Variants in AGMO observed in about 807,000 individuals in gnomAD.
AGMO encodes the protein alkylglycerol monooxygenase.
Under a neutral mutation model 60.2 loss-of-function variants are expected in AGMO, and 75 were observed. That is an observed-to-expected ratio of 1.25 (90% confidence interval 1.03 to 1.51). The LOEUF (loss-of-function observed/expected upper bound fraction) is 1.51. Among genes scored for constraint, AGMO ranks in the 40% most tolerant of loss-of-function variants. The pLI, the probability that AGMO is intolerant of heterozygous loss-of-function variation, is 0.00. For synonymous variants in AGMO, 261 were observed against 177.1 expected, an observed-to-expected ratio of 1.47 and a Z score of -3.76; for missense variants, 763 against 525.5, an observed-to-expected ratio of 1.45 and a Z score of -4.42.
chr7:15,310,899 T>C (rs1294328744), intron 12 of AGMO, among the ~76,000 whole-genome samples: 1 of 152,138 alleles, frequency 6.6e-6, no homozygotes, highest in Non-Finnish European at 1.5e-5. Flanking sequence ...CTTTGGCTCA[T>C]GGCCCTCTTC....
chr7:15,299,886 C>CACACACAAAA (rs774065679), intron 12 of AGMO, among the ~76,000 whole-genome samples: 4 of 114,642 alleles, frequency 3.5e-5, no homozygotes, highest in African/African-American at 1.7e-4. Context: ...CACACACACA[C>CACACACAAAA]AGTATGTTTT....
At chr7:15,118,365 C>T in the AGMO span, among the ~76,000 whole-genome samples, 9 of 151,906 alleles carry the variant, frequency 5.9e-5, no homozygotes, top group Admixed American at 5.9e-4. Context: ...TAGTTACATG[C>T]AATTATCTGC....
intron 8 of AGMO, among the ~76,000 whole-genome samples, chr7:15,387,944 G>C (rs893738033): frequency 6.1e-4 from 82 of 134,096 alleles, no homozygotes; most frequent in Non-Finnish European, 8.8e-4. Flanking sequence ...GTCTCGCTCT[G>C]TTGCCCAGGC....
At chr7:15,295,968 A>G (rs1013685102) in intron 12 of AGMO, among the ~76,000 whole-genome samples, 2 of 152,150 alleles carry the variant, frequency 1.3e-5, no homozygotes, top group Admixed American at 1.3e-4. Flanking sequence ...CTATAAATAC[A>G]TGGAAAATAT....
chr7:15,241,582 C>T (rs1782589452), intron 12 of AGMO, among the ~76,000 whole-genome samples: 1 of 151,878 alleles, frequency 6.6e-6, no homozygotes, highest in Admixed American at 6.6e-5. Flanking sequence ...GTGTCCTTCC[C>T]TCCATCCTAG....
intron 3 of AGMO, among the ~76,000 whole-genome samples, chr7:15,521,334 C>T (rs1783979488): frequency 6.6e-6 from 1 of 152,262 alleles, no homozygotes; most frequent in Admixed American, 6.5e-5. Context: ...GGAATCCTCC[C>T]TAACTCTTTT....
intron 12 of AGMO, among the ~76,000 whole-genome samples, chr7:15,261,035 A>C (rs1783253689): frequency 1.3e-5 from 2 of 152,118 alleles, no homozygotes; most frequent in African/African-American, 4.8e-5. Flanking sequence ...AGGAAGGTTT[A>C]TAGCATTAAA....
chr7:15,521,813 C>T (rs984744136), intron 3 of AGMO, among the ~76,000 whole-genome samples: 2 of 152,106 alleles, frequency 1.3e-5, no homozygotes, highest in African/African-American at 4.8e-5. Flanking sequence ...TCTCTCATCA[C>T]CCCTATTCAA....
intron 12 of AGMO, among the ~76,000 whole-genome samples, chr7:15,293,938 A>G (rs1463430775): frequency 6.6e-6 from 1 of 151,388 alleles, no homozygotes; most frequent in Non-Finnish European, 1.5e-5. Context: ...GTTATTAGGT[A>G]AAGTTGAATT....
intron 12 of AGMO, among the ~76,000 whole-genome samples, chr7:15,210,374 A>G (rs972842491): frequency 6.6e-6 from 1 of 152,184 alleles, no homozygotes; most frequent in Non-Finnish European, 1.5e-5. Context: ...TCCTCTGCTA[A>G]TATTAATCTG....
intron 10 of AGMO, among the ~76,000 whole-genome samples, chr7:15,377,917 T>G (rs1465058111): frequency 6.6e-6 from 1 of 152,058 alleles, no homozygotes; most frequent in Non-Finnish European, 1.5e-5. Flanking sequence ...GCCACAGTTA[T>G]AAAAGCTTTG....
At chr7:15,122,782 C>A in the AGMO span, among the ~76,000 whole-genome samples, 2 of 152,208 alleles carry the variant, frequency 1.3e-5, no homozygotes, top group South Asian at 4.1e-4. Flanking sequence ...CTGGTATAAG[C>A]CACTACCATG....
At chr7:15,258,967 G>T (rs765254104) in intron 12 of AGMO, among the ~76,000 whole-genome samples, 9 of 152,012 alleles carry the variant, frequency 5.9e-5, no homozygotes, top group Non-Finnish European at 1.0e-4. Context: ...GAAGGAACCA[G>T]AAAAACAATT....
chr7:15,333,741 C>G (rs929762678), intron 12 of AGMO, among the ~76,000 whole-genome samples: 5 of 152,064 alleles, frequency 3.3e-5, no homozygotes, highest in African/African-American at 1.2e-4. Context: ...TGCAAATTAT[C>G]TTACACTAAT....
rs1370194781 is a variant in AGMO at position 15,233,562 on chromosome 7, C to T, written c.1264-32203G>A. Among the ~76,000 whole-genome samples the T allele has an allele frequency of 3.5e-3, 495 of 142,436 alleles. 3 individuals carry two copies. Among genetic ancestry groups the T allele is most frequent in the African/African-American group, 0.013 (449 of 35,506 alleles). 93.4% of individuals were successfully genotyped at this position (142,436 alleles called of 152,430 possible). On this transcript the variant is annotated intron_variant, in intron 12 of 12. Coordinates refer to ENST00000342526, the MANE Select transcript of AGMO (RefSeq NM_001004320.2). ...GTTACAGAGAGTTGTTTTTTTTTTT[C>T]CCCCCTTTGGATGATGGAAAAGTTT... is the stretch of plus-strand genomic sequence containing the variant.
chr7:15,354,604 T>G (rs1251674709), intron 12 of AGMO, among the ~76,000 whole-genome samples: 5 of 140,024 alleles, frequency 3.6e-5, no homozygotes, highest in Admixed American at 2.2e-4. Flanking sequence ...ATGATACATC[T>G]TGAGAAAGAC....
At chr7:15,194,857 G>C in the AGMO span, among the ~76,000 whole-genome samples, 7 of 152,108 alleles carry the variant, frequency 4.6e-5, no homozygotes, top group Non-Finnish European at 8.8e-5. Flanking sequence ...TGTCTAGAGA[G>C]AATTAGCCCC....
At chr7:15,412,193 C>A (rs1033093650) in intron 5 of AGMO, among the ~76,000 whole-genome samples, 1 of 152,140 alleles carries the variant, frequency 6.6e-6, no homozygotes, top group African/African-American at 2.4e-5. Flanking sequence ...TGCATCCTTG[C>A]AGCTCTCTTG....
chr7:15,124,636 C>T, the AGMO span, among the ~76,000 whole-genome samples: 2 of 152,046 alleles, frequency 1.3e-5, no homozygotes, highest in Non-Finnish European at 2.9e-5. Flanking sequence ...GTGTTGTCCT[C>T]CTCTCCAACT....
Sources: allele counts gnomAD v4.1 joint callset (sites outside exome capture counted in the v4.1 genomes callset), GRCh38; gene constraint gnomAD v4.1.1; transcripts MANE v1.5; gene names NCBI Gene and HGNC (gene_info 2026-07-23, HGNC 2026-07-21).